Variants in EIF3B observed in about 807,000 individuals in gnomAD.
EIF3B encodes the protein eukaryotic translation initiation factor 3 subunit B, also known as eukaryotic translation initiation factor 3 subunit 9.
EIF3B carries 10 observed loss-of-function variants against 104.6 expected under a neutral mutation model. The ratio of observed to expected loss-of-function variants is 0.10; its 90% CI spans 0.06 to 0.16. The LOEUF is 0.16. Ranked by LOEUF, EIF3B falls within the 10% of genes least tolerant of loss-of-function variation. EIF3B has a pLI of 1.00. For synonymous variants in EIF3B, 542 were observed against 417.2 expected, an observed-to-expected ratio of 1.30 and a Z score of -3.65; for missense variants, 1,014 against 1,087.9, an observed-to-expected ratio of 0.93 and a Z score of 0.96.
At chr7:2,363,233 G>A (rs1468537309) in intron 4 of EIF3B, 106 bp downstream of exon 4, 11 of 1,172,312 alleles carry the variant, frequency 9.4e-6, no homozygotes, top group Admixed American at 1.7e-5. Flanking sequence ...TGGGAGGATC[G>A]CTTAAGCCCA....
rs1780855289 is a variant in EIF3B, at chr7:2,379,128, G to A, written c.2233-6G>A. 6.2e-7 allele frequency: 1 copy of A among 1,613,322 alleles called. No individual in the cohort carries two copies. The highest frequency in any genetic ancestry group is 1.7e-5 in the Admixed American group (1 of 59,964). On this transcript the variant is annotated splice_region_variant and splice_polypyrimidine_tract_variant and intron_variant, in intron 16 of 18. Transcript: ENST00000360876. Reference sequence around the variant, plus strand: ...AGTTCTGTGCTTTCCCCAACCTCATGCATAGGAATTGGTGGAGAGAAGGCG... The same window carrying A: ...AGTTCTGTGCTTTCCCCAACCTCATACATAGGAATTGGTGGAGAGAAGGCG...
At chr7:2,369,372 T>G in intron 9 of EIF3B, 100 bp from the exon 10 acceptor site, 16 of 1,276,590 alleles carry the variant, frequency 1.3e-5, no homozygotes, top group Non-Finnish European at 1.7e-5. Context: ...GTGACAGCAT[T>G]GAGCTTCTAT....
intron 11 of EIF3B, chr7:2,372,264 A>G: frequency 4.4e-6 from 1 of 228,714 alleles, no homozygotes; most frequent in Non-Finnish European, 8.7e-6. Context: ...TTTGCCATGG[A>G]GAAAAGGAGG....
chr7:2,376,804 C>T (rs1780655742), intron 14 of EIF3B, 146 bp from the exon 15 acceptor site: 6 of 1,235,548 alleles, frequency 4.9e-6, no homozygotes, highest in Non-Finnish European at 6.6e-6. Flanking sequence ...GACTGCCCAC[C>T]TACCCTGCTG....
At chr7:2,357,536 G>T (rs1004597027) in intron 1 of EIF3B, among the ~76,000 whole-genome samples, 2 of 152,164 alleles carry the variant, frequency 1.3e-5, no homozygotes, top group African/African-American at 4.8e-5. Context: ...TACTTTTTTG[G>T]TACAGATTAG....
intron 6 of EIF3B, among the ~76,000 whole-genome samples, chr7:2,365,802 A>G (rs1467068850): frequency 2.0e-5 from 3 of 151,484 alleles, no homozygotes; most frequent in Admixed American, 6.6e-5. Flanking sequence ...CAGCCTCCTG[A>G]GTAGCTGGGA....
chr7:2,375,413 G>T lies in EIF3B; in HGVS notation c.1914G>T (p.Val638=). 6.2e-7 allele frequency: 1 copy of T among 1,614,158 alleles called. No homozygotes were observed. The highest frequency in any genetic ancestry group is 8.5e-7 in the Non-Finnish European group (1 of 1,180,012). ...LRSMNGALAF[V]DTSDCTVMNI... ...GTATGAACGGTGCCTTAGCGTTTGT[G>T]GACACTTCGGACTGCACGGTCATGA... is the stretch of plus-strand genomic sequence containing the variant. The change falls in exon 14 of 19, where the codon GTG becomes GTT. Residue 638 remains valine, a synonymous_variant. Coordinates refer to ENST00000360876, the MANE Select transcript of EIF3B (RefSeq NM_001037283.2).
In EIF3B at chr7:2,354,975, GC is replaced by G; in HGVS notation, c.57del (p.Gly20AlafsTer47). On this transcript the variant is annotated frameshift_variant, in exon 1 of 19. Transcript: ENST00000360876. LOFTEE classifies it high-confidence loss of function. ...VPEAAEERAE[P>X]GQQQPAAEPP... is the part of the protein sequence containing the mutation. ...CCGAGGCGGCCGAGGAGCGCGCCGAGCCCGGCCAGCAGCAGCCGGCCGCCGA... is the reference window on the plus strand; with the variant it reads ...CCGAGGCGGCCGAGGAGCGCGCCGAGCCGGCCAGCAGCAGCCGGCCGCCGA... The G allele has an allele frequency of 8.4e-7, 1 of 1,185,856 alleles. No homozygotes were observed. The highest frequency in any genetic ancestry group is 1.0e-6 in the Non-Finnish European group (1 of 959,518). The allele number at this position is 1,185,856 out of a possible 1,614,324, so 73.5% of individuals were successfully genotyped here.
chr7:2,375,130 T>G, intron 13 of EIF3B: 2 of 502,380 alleles, frequency 4.0e-6, no homozygotes, highest in East Asian at 6.5e-5. Context: ...TGCTACTGTA[T>G]TTTTGGAGGC....
rs1180758144 is a variant in EIF3B, at chr7:2,360,637, T to G, written c.500-73T>G. The G allele has an allele frequency of 3.3e-6, 4 of 1,228,292 alleles. No individual in the cohort carries two copies. In the African/African-American group the frequency reaches 4.5e-5, roughly 14 times the overall value. 76.1% of individuals were successfully genotyped at this position (1,228,292 alleles called of 1,614,324 possible). ...TTCATTGTCTCTTCTTGAAGACTTG[T>G]TTAGTGTGCTCAGTTAATGTATTAA... On this transcript the variant is annotated intron_variant, in intron 1 of 18. Transcript: ENST00000360876.
intron 1 of EIF3B, among the ~76,000 whole-genome samples, chr7:2,360,051 G>A (rs1402802152): frequency 6.6e-6 from 1 of 152,146 alleles, no homozygotes; most frequent in Non-Finnish European, 1.5e-5. Flanking sequence ...CCCCAGACGC[G>A]CTTCCTCTTT....
intron 2 of EIF3B, among the ~76,000 whole-genome samples, chr7:2,361,883 TCTC>T (rs769808375): frequency 3.3e-5 from 5 of 151,980 alleles, no homozygotes; most frequent in Non-Finnish European, 7.4e-5. Flanking sequence ...TTCAAGCAAT[TCTC>T]CTGCCCCACC....
chr7:2,361,952 C>CTTGCTTATTTAT, intron 2 of EIF3B, among the ~76,000 whole-genome samples: 1 of 148,750 alleles, frequency 6.7e-6, no homozygotes, highest in South Asian at 2.2e-4. Flanking sequence ...TGCTTGCTTG[C>CTTGCTTATTTAT]TTATTTATTT....
intron 10 of EIF3B, 139 bp downstream of exon 10, chr7:2,369,821 G>C: frequency 7.0e-6 from 5 of 716,392 alleles, no homozygotes; most frequent in Non-Finnish European, 1.1e-5. Context: ...TCTGTCACCA[G>C]GCTGTAGTGC....
Position 2,363,712 on chromosome 7 carries a change from C to T in EIF3B, c.951C>T (p.Ser317=). The stretch of plus-strand genomic sequence containing the variant: ...TTTTTGAGAGTGGAGACCGCACTTC[C>T]ATATTCTGGAATGACGTAAAAGACC... ...SVIFESGDRT[S]IFWNDVKDPV... Residue 317 remains serine, a synonymous_variant, in exon 5 of 19, where the codon TCC becomes TCT. Transcript: ENST00000360876. 6.2e-7 allele frequency: 1 copy of T among 1,614,116 alleles called. No individual in the cohort carries two copies. The highest frequency in any genetic ancestry group is 8.5e-7 in the Non-Finnish European group (1 of 1,180,016).
chr7:2,376,726 T>C (rs978120730), intron 14 of EIF3B: 12 of 558,250 alleles, frequency 2.1e-5, no homozygotes, highest in Non-Finnish European at 3.7e-5. Flanking sequence ...TGTGCTGTGA[T>C]GAGCGCTGCT....
intron 1 of EIF3B, among the ~76,000 whole-genome samples, chr7:2,356,874 A>G (rs557763727): frequency 4.6e-5 from 7 of 152,020 alleles, no homozygotes; most frequent in Non-Finnish European, 8.8e-5. Context: ...CATAAAAGAC[A>G]TTTTAGCATG....
At chr7:2,365,277 C>T (rs12540957) in intron 6 of EIF3B, among the ~76,000 whole-genome samples, 1,630 of 152,244 alleles carry the variant, frequency 0.011, 66 homozygotes, top group Admixed American at 0.072. Flanking sequence ...CTAGCTAATC[C>T]GGCTGTCGGA....
In EIF3B at chr7:2,354,876, G is replaced by T; in HGVS notation, c.-46G>T. On this transcript the variant is annotated 5_prime_UTR_variant, in exon 1 of 19. Coordinates refer to ENST00000360876, the MANE Select transcript of EIF3B (RefSeq NM_001037283.2). ...CGCGCGGTGCGGCCTGGGAGAGTCG[G>T]AAGCGCGGCGGCCGCGGAGCCCTGC... 8.8e-7 allele frequency: 1 copy of T among 1,136,340 alleles called. No individual in the cohort carries two copies. Among genetic ancestry groups the T allele is most frequent in the Non-Finnish European group, 1.1e-6 (1 of 928,208 alleles). The allele number at this position is 1,136,340 out of a possible 1,614,324, so 70.4% of individuals were successfully genotyped here.
Sources: allele counts gnomAD v4.1 joint callset (sites outside exome capture counted in the v4.1 genomes callset), GRCh38; gene constraint gnomAD v4.1.1; transcripts MANE v1.5; gene names NCBI Gene and HGNC (gene_info 2026-07-23, HGNC 2026-07-21).